The following LRMDA variants were observed in gnomAD, a reference collection of about 807,000 sequenced individuals.
The protein encoded by LRMDA is leucine-rich melanocyte differentiation-associated protein.
In LRMDA, 18 loss-of-function variants were observed where a neutral mutation model predicts 29.8. The observed-to-expected ratio is 0.60, with a 90% CI of 0.42 to 0.90. The LOEUF is 0.90. Ranked by LOEUF, LRMDA falls within the 40% of genes least tolerant of loss-of-function variation. The pLI, the probability that LRMDA is intolerant of heterozygous loss-of-function variation, is 0.00. For synonymous variants in LRMDA, 125 were observed against 109.4 expected, an observed-to-expected ratio of 1.14 and a Z score of -0.89; for missense variants, 273 against 273.9, an observed-to-expected ratio of 1.00 and a Z score of 0.02.
intron 5 of LRMDA, among the ~76,000 whole-genome samples, chr10:76,298,275 T>C (rs768795855): frequency 6.6e-6 from 1 of 152,154 alleles, no homozygotes; most frequent in Admixed American, 6.5e-5. Flanking sequence ...GTTAGCAGCA[T>C]AGGGAAGGAG....
intron 6 of LRMDA, among the ~76,000 whole-genome samples, chr10:76,529,299 A>G (rs1034863375): frequency 3.3e-5 from 5 of 152,148 alleles, no homozygotes; most frequent in Admixed American, 6.6e-5. Context: ...TTAGTATGCT[A>G]TGCAAATGTA....
At position 76,379,161 on chromosome 10, in the gene LRMDA, T is replaced by TTGTGTGTGTGTG. The variant is rs57245101; in HGVS notation, c.601+54706_601+54717dup. The stretch of plus-strand genomic sequence containing the variant: ...CGTGAGCCACTGTGCCTGGCCTTCT[T>TTGTGTGTGTGTG]TGTGTGTGTGTGTGTGTGTGTGTGT... On this transcript the variant is annotated intron_variant, in intron 6 of 6. Coordinates refer to ENST00000611255, the MANE Select transcript of LRMDA (RefSeq NM_001305581.2). Among the ~76,000 whole-genome samples, 439 of 137,928 alleles carry TTGTGTGTGTGTG rather than the reference T, an allele frequency of 3.2e-3. 5 individuals carry two copies. Among genetic ancestry groups the TTGTGTGTGTGTG allele is most frequent in the East Asian group, 0.015 (70 of 4,622 alleles). 90.5% of individuals were successfully genotyped at this position (137,928 alleles called of 152,430 possible).
intron 6 of LRMDA, among the ~76,000 whole-genome samples, chr10:76,488,124 C>G (rs181340219): frequency 6.6e-6 from 1 of 151,814 alleles, no homozygotes; most frequent in East Asian, 1.9e-4. Flanking sequence ...TTTTGGAGAT[C>G]TTCATGGTGC....
chr10:76,552,931 C>G (rs1408547741), intron 6 of LRMDA, among the ~76,000 whole-genome samples: 1 of 152,162 alleles, frequency 6.6e-6, no homozygotes, highest in African/African-American at 2.4e-5. Flanking sequence ...TGATTCCCAC[C>G]CACTTAGGCA....
At chr10:76,047,707 C>CTG (rs1848463345) in intron 4 of LRMDA, among the ~76,000 whole-genome samples, 1 of 152,212 alleles carries the variant, frequency 6.6e-6, no homozygotes, top group Non-Finnish European at 1.5e-5. Context: ...CACCCATGGG[C>CTG]TGTAACTTGC....
At chr10:75,927,707 A>G (rs1278372904) in intron 2 of LRMDA, among the ~76,000 whole-genome samples, 2 of 152,216 alleles carry the variant, frequency 1.3e-5, no homozygotes, top group East Asian at 3.9e-4. Context: ...AGGTTAAGTT[A>G]CTTGCCCAAG....
At chr10:75,497,604 T>C (rs1422818152) in intron 2 of LRMDA, among the ~76,000 whole-genome samples, 1 of 151,922 alleles carries the variant, frequency 6.6e-6, no homozygotes, top group East Asian at 1.9e-4. Context: ...CCTTCCTAGC[T>C]AATTCCTGCT....
At chr10:75,529,479 A>G (rs899394753) in intron 2 of LRMDA, among the ~76,000 whole-genome samples, 47 of 152,202 alleles carry the variant, frequency 3.1e-4, no homozygotes, top group African/African-American at 1.0e-3. Flanking sequence ...ACAAGAGAGT[A>G]AACCAGAAAG....
chr10:75,913,218 G>C (rs1564604804), intron 2 of LRMDA, among the ~76,000 whole-genome samples: 1 of 152,144 alleles, frequency 6.6e-6, no homozygotes, highest in East Asian at 1.9e-4. Context: ...CAGCACTTTG[G>C]GAGGCCAAGG....
chr10:75,802,972 ATTT>A (rs141657133), intron 2 of LRMDA, among the ~76,000 whole-genome samples: 1,369 of 110,036 alleles, frequency 0.012, 11 homozygotes, highest in East Asian at 0.024. Flanking sequence ...ATATATATAT[ATTT>A]TTTTTTTTTT....
intron 2 of LRMDA, among the ~76,000 whole-genome samples, chr10:75,950,674 TACTTTTTGTGC>T (rs1463555028): frequency 6.6e-6 from 1 of 152,214 alleles, no homozygotes; most frequent in Non-Finnish European, 1.5e-5. Context: ...TTAATGACAA[TACTTTTTGTGC>T]ACACCTACTA....
At chr10:76,164,971 G>A (rs1399175352) in intron 5 of LRMDA, among the ~76,000 whole-genome samples, 1 of 152,040 alleles carries the variant, frequency 6.6e-6, no homozygotes, top group Non-Finnish European at 1.5e-5. Context: ...TTGTTTATTT[G>A]TTTTTGTTTT....
intron 2 of LRMDA, among the ~76,000 whole-genome samples, chr10:75,768,966 A>G (rs1489497988): frequency 1.3e-5 from 2 of 152,218 alleles, no homozygotes; most frequent in Non-Finnish European, 1.5e-5. Flanking sequence ...CAGATGTGAG[A>G]TATCAGTGTT....
chr10:76,185,786 T>G (rs763187808), intron 5 of LRMDA, among the ~76,000 whole-genome samples: 2 of 152,172 alleles, frequency 1.3e-5, no homozygotes, highest in Non-Finnish European at 2.9e-5. Context: ...ACAAATATGC[T>G]CAAAGTACAT....
intron 6 of LRMDA, among the ~76,000 whole-genome samples, chr10:76,420,813 C>A (rs1415570304): frequency 4.6e-5 from 7 of 152,088 alleles, no homozygotes; most frequent in Non-Finnish European, 1.0e-4. Context: ...AATTTCCCAG[C>A]ACTTAAGTGT....
At chr10:75,741,445 A>G (rs989698152) in intron 2 of LRMDA, among the ~76,000 whole-genome samples, 3 of 152,128 alleles carry the variant, frequency 2.0e-5, no homozygotes, top group African/African-American at 7.2e-5. Context: ...TTAAAAAAAA[A>G]AAAGGCTCAC....
At chr10:75,698,148 A>G (rs975167630) in intron 2 of LRMDA, among the ~76,000 whole-genome samples, 1 of 152,096 alleles carries the variant, frequency 6.6e-6, no homozygotes, top group South Asian at 2.1e-4. Flanking sequence ...TGGCAGGTGA[A>G]CCCTTCCACG....
chr10:75,486,059 T>C (rs919855467), intron 2 of LRMDA, among the ~76,000 whole-genome samples: 19 of 152,346 alleles, frequency 1.2e-4, no homozygotes, highest in African/African-American at 4.6e-4. Context: ...TTGTGTCTTA[T>C]GGGTTCTAAT....
intron 6 of LRMDA, among the ~76,000 whole-genome samples, chr10:76,370,238 T>TA (rs1322682178): frequency 1.1e-3 from 163 of 150,618 alleles, no homozygotes; most frequent in African/African-American, 3.1e-3. Context: ...TATATAAGGG[T>TA]AAAAAAAAAC....
Sources: gnomAD v4.1 joint callset for allele counts (sites outside exome capture counted in the v4.1 genomes callset) on GRCh38, gnomAD v4.1.1 for gene constraint, MANE v1.5 for transcripts, NCBI Gene and HGNC (gene_info 2026-07-23, HGNC 2026-07-21) for gene names.